AGGF1: variants seen among roughly 807,000 people sequenced by gnomAD.
AGGF1 encodes the protein angiogenic factor with G patch and FHA domains 1.
In AGGF1, 56 loss-of-function variants were observed where a neutral mutation model predicts 86.5. That is an observed-to-expected ratio of 0.65 (90% confidence interval 0.52 to 0.81). AGGF1 has a LOEUF of 0.81. Among genes scored for constraint, AGGF1 ranks in the 30% least tolerant of loss-of-function variants. The pLI is 0.00. For synonymous variants in AGGF1, 313 were observed against 297.1 expected, an observed-to-expected ratio of 1.05 and a Z score of -0.55; for missense variants, 816 against 850.9, an observed-to-expected ratio of 0.96 and a Z score of 0.51.
chr5:77,055,742 C>T, intron 11 of AGGF1, 146 bp downstream of exon 11: 2 of 590,804 alleles, frequency 3.4e-6, no homozygotes, highest in Non-Finnish European at 5.9e-6. Flanking sequence ...TTCTGGTATT[C>T]ATAACCTAAA....
chr5:77,054,603 A>G (rs992562734), intron 10 of AGGF1, among the ~76,000 whole-genome samples: 14 of 152,232 alleles, frequency 9.2e-5, no homozygotes, highest in Non-Finnish European at 2.1e-4. Flanking sequence ...ACAAAAAATG[A>G]TAAGTACATG....
intron 8 of AGGF1, among the ~76,000 whole-genome samples, chr5:77,051,350 A>G (rs1282602023): frequency 1.3e-4 from 20 of 151,502 alleles, no homozygotes; most frequent in Non-Finnish European, 4.4e-5. Context: ...GGAGAATGGC[A>G]TGAACCTGGG....
At chr5:77,061,661 A>T (rs761691080) in intron 12 of AGGF1, 42 bp from the exon 13 acceptor site, 1 of 1,548,836 alleles carries the variant, frequency 6.5e-7, no homozygotes, top group East Asian at 2.3e-5. Flanking sequence ...GTGACCTAAA[A>T]GATCTTTTAT....
In AGGF1 at chr5:77,046,416, G is replaced by A. The variant is rs369078770; in HGVS notation, c.940G>A (p.Ala314Thr). Residue 314 changes from alanine to threonine, a missense_variant, in exon 6 of 14, where the codon GCA becomes ACA. Ala to Thr is a moderately conservative substitution (Grantham distance 58, BLOSUM62 0). Transcript: ENST00000312916. ...AAGCTGCAATGAGGAAGAAAATTTC[G>A]CAAATATGAAAAAGAAGGCCAAAAT... ...HTSCNEEENF[A>T]NMKKKAKIGI... 3.6e-5 allele frequency: 58 copies of A among 1,613,668 alleles called. No homozygotes were observed. The highest frequency in any genetic ancestry group is 4.6e-5 in the Non-Finnish European group (54 of 1,179,948).
intron 12 of AGGF1, among the ~76,000 whole-genome samples, chr5:77,060,630 A>G (rs550712466): frequency 1.6e-4 from 24 of 152,292 alleles, no homozygotes; most frequent in African/African-American, 5.8e-4. Context: ...TGTAGAACTG[A>G]TAACTAATTA....
rs755297648 is a variant in AGGF1, at chr5:77,030,783, C to T, written c.17C>T (p.Pro6Leu). 2 of 1,583,148 alleles carry T rather than the reference C, an allele frequency of 1.3e-6. No individual in the cohort carries two copies. Among genetic ancestry groups the T allele is most frequent in the East Asian group, 2.3e-5 (1 of 43,652 alleles). Residue 6 changes from proline (P) to leucine (L), a missense_variant, in exon 1 of 14, where the codon CCG becomes CTG. Coordinates refer to ENST00000312916, the MANE Select transcript of AGGF1 (RefSeq NM_018046.5). ...CCGGAGCTCATGGCCTCGGAGGCGC[C>T]GTCCCCGCCGCGGTCGCCGCCGCCG... is the stretch of plus-strand genomic sequence containing the variant. MASEA[P>L]SPPRSPPPPT... is the part of the protein sequence containing the mutation.
intron 1 of AGGF1, among the ~76,000 whole-genome samples, chr5:77,033,840 T>C (rs1280859048): frequency 6.6e-6 from 1 of 152,224 alleles, no homozygotes; most frequent in Non-Finnish European, 1.5e-5. Context: ...CACTTGTTTC[T>C]CTCTGTCCTA....
chr5:77,040,489 T>G (rs1747055962), intron 5 of AGGF1, among the ~76,000 whole-genome samples: 1 of 152,088 alleles, frequency 6.6e-6, no homozygotes, highest in Non-Finnish European at 1.5e-5. Flanking sequence ...GATTAATAGT[T>G]TAAATGGCCT....
At chr5:77,042,610 C>T (rs1404021416) in intron 5 of AGGF1, among the ~76,000 whole-genome samples, 1 of 48,488 alleles carries the variant, frequency 2.1e-5, no homozygotes, top group African/African-American at 6.3e-5. Context: ...CCCTCCCGGA[C>T]GTGGCGGCTG....
chr5:77,046,613 G>A lies in AGGF1; in HGVS notation c.1137G>A (p.Glu379=). ...EEGEITDSQT[E]DSYDEAITSE... ...GTGAAATTACAGACTCTCAGACTGAGGATAGTTATGACGAAGCCATTACCA... is the reference window on the plus strand; with the variant it reads ...GTGAAATTACAGACTCTCAGACTGAAGATAGTTATGACGAAGCCATTACCA... The change falls in exon 6 of 14, where the codon GAG becomes GAA. Residue 379 remains glutamate (E), a synonymous_variant. Coordinates refer to ENST00000312916, the MANE Select transcript of AGGF1 (RefSeq NM_018046.5). The A allele has an allele frequency of 1.2e-6, 2 of 1,613,990 alleles. No homozygotes were observed. Among genetic ancestry groups the A allele is most frequent in the African/African-American group, 2.7e-5 (2 of 75,048 alleles).
chr5:77,036,472 T>G (rs762687608), intron 3 of AGGF1, 84 bp from the exon 4 acceptor site: 1 of 1,367,860 alleles, frequency 7.3e-7, no homozygotes, highest in Non-Finnish European at 1.0e-6. Flanking sequence ...TACTTAAACA[T>G]AGTCTCAGGT....
intron 12 of AGGF1, among the ~76,000 whole-genome samples, 181 bp from the exon 13 acceptor site, chr5:77,061,516 GTGCACA>G (rs1747564242): frequency 6.6e-6 from 1 of 152,186 alleles, no homozygotes; most frequent in Admixed American, 6.5e-5. Flanking sequence ...GTGTGTTTTG[GTGCACA>G]TGCACATGCT....
At chr5:77,033,292 G>A (rs1056933842) in intron 1 of AGGF1, among the ~76,000 whole-genome samples, 1 of 152,192 alleles carries the variant, frequency 6.6e-6, no homozygotes, top group Non-Finnish European at 1.5e-5. Context: ...CCCCAAAATA[G>A]CCTTGTGCAA....
At chr5:77,061,366 G>C (rs1224701209) in intron 12 of AGGF1, among the ~76,000 whole-genome samples, 1 of 152,110 alleles carries the variant, frequency 6.6e-6, no homozygotes, top group African/African-American at 2.4e-5. Flanking sequence ...ACATTATTTT[G>C]TTAGGTATGG....
chr5:77,046,933 C>T (rs2076269127), intron 6 of AGGF1, among the ~76,000 whole-genome samples: 1 of 152,146 alleles, frequency 6.6e-6, no homozygotes, highest in Non-Finnish European at 1.5e-5. Flanking sequence ...GCCAGGTTAC[C>T]TGGATTCTAA....
intron 11 of AGGF1, among the ~76,000 whole-genome samples, chr5:77,056,579 A>G (rs1580135837): frequency 7.1e-6 from 1 of 141,070 alleles, no homozygotes; most frequent in Admixed American, 7.2e-5. Flanking sequence ...TGGCCTTACC[A>G]AAAAAAAAAA....
In AGGF1 at chr5:77,034,516, C is replaced by G; in HGVS notation, c.309C>G (p.Ile103Met). The G allele has an allele frequency of 1.9e-6, 3 of 1,602,550 alleles. No individual in the cohort carries two copies. Among genetic ancestry groups the G allele is most frequent in the Non-Finnish European group, 2.6e-6 (3 of 1,169,570 alleles). ...VQTENHAPWS[I>M]SDYFYQTYYN... ...CAGAGAACCATGCTCCTTGGTCAAT[C>G]TCAGGTATTTAGCTTATAGTGAGGA... The change falls in exon 2 of 14, where the codon ATC (isoleucine) becomes ATG (methionine). Residue 103 changes from isoleucine (I) to methionine (M), a missense_variant. By Grantham distance (10) the Ile-to-Met change is conservative (BLOSUM62 1). Transcript: ENST00000312916.
chr5:77,062,491 T>C (rs1413711539), intron 13 of AGGF1, among the ~76,000 whole-genome samples: 3 of 152,194 alleles, frequency 2.0e-5, no homozygotes, highest in South Asian at 2.1e-4. Flanking sequence ...GTTTGGACTT[T>C]AGTTTTCTTA....
In AGGF1 at chr5:77,046,608, A is replaced by G. The variant is rs1174538785; in HGVS notation, c.1132A>G (p.Thr378Ala). The G allele has an allele frequency of 4.3e-6, 7 of 1,613,946 alleles. No homozygotes were observed. The highest frequency in any genetic ancestry group is 1.3e-5 in the African/African-American group (1 of 74,934). The change falls in exon 6 of 14, where the codon ACT becomes GCT. Residue 378 changes from threonine to alanine, a missense_variant. Physicochemically the swap from Thr to Ala is moderately conservative, Grantham distance 58. Around this residue, in one of 3 missense-constraint regions of AGGF1, gnomAD observed 565 missense variants for 585.8 expected, o/e 0.96. Coordinates refer to ENST00000312916, the MANE Select transcript of AGGF1 (RefSeq NM_018046.5). Reference protein sequence around the residue: ...PEEGEITDSQTEDSYDEAITS... With the variant: ...PEEGEITDSQAEDSYDEAITS... The stretch of plus-strand genomic sequence containing the variant: ...GGAAGGTGAAATTACAGACTCTCAG[A>G]CTGAGGATAGTTATGACGAAGCCAT...
Sources: gnomAD v4.1 joint callset for allele counts (sites outside exome capture counted in the v4.1 genomes callset) on GRCh38, gnomAD v4.1.1 for gene constraint, gnomAD v4.1.1 regional missense constraint, MANE v1.5 for transcripts, NCBI Gene and HGNC (gene_info 2026-07-23, HGNC 2026-07-21) for gene names.